Variants in SMCO2 observed in about 807,000 individuals in gnomAD.
SMCO2 encodes single-pass membrane and coiled-coil domain-containing protein 2.
Under a neutral mutation model 29.5 loss-of-function variants are expected in SMCO2, and 25 were observed. The ratio of observed to expected loss-of-function variants is 0.85; its 90% CI spans 0.62 to 1.18. The LOEUF is 1.18. SMCO2 is among the 50% of genes most tolerant of loss of function. The pLI is 0.00. For synonymous variants in SMCO2, 117 were observed against 123.3 expected, an observed-to-expected ratio of 0.95 and a Z score of 0.34; for missense variants, 348 against 344.5, an observed-to-expected ratio of 1.01 and a Z score of -0.08.
the SMCO2 span, among the ~76,000 whole-genome samples, chr12:27,455,905 GTTACATACA>G: frequency 3.3e-5 from 5 of 152,374 alleles, no homozygotes; most frequent in Admixed American, 3.3e-4. Context: ...TCACAGCAAT[GTTACATACA>G]AAGAAGTACT....
chr12:27,428,794 G>C, the SMCO2 span, among the ~76,000 whole-genome samples: 3 of 147,588 alleles, frequency 2.0e-5, no homozygotes, highest in East Asian at 2.0e-4. Flanking sequence ...TTTACCTTGG[G>C]GGTAAATACA....
exon 8 of SMCO2, chr12:27,501,987 A>C: frequency 1.3e-6 from 2 of 1,548,056 alleles, no homozygotes; most frequent in Non-Finnish European, 1.7e-6. Flanking sequence ...TTTATGTTAC[A>C]TACTATTTTT....
the SMCO2 span, among the ~76,000 whole-genome samples, chr12:27,461,607 C>T: frequency 3.3e-3 from 506 of 152,312 alleles, no homozygotes; most frequent in African/African-American, 8.7e-3. Flanking sequence ...ATAGATATGA[C>T]GATGAATATT....
At chr12:27,484,775 T>G (rs529740819) in intron 4 of SMCO2, among the ~76,000 whole-genome samples, 7 of 142,334 alleles carry the variant, frequency 4.9e-5, no homozygotes, top group African/African-American at 1.8e-4. Flanking sequence ...ATTGCTTGAA[T>G]CCAGGAGGTG....
At chr12:27,477,438 A>C (rs58729306) in intron 4 of SMCO2, among the ~76,000 whole-genome samples, 13,645 of 151,562 alleles carry the variant, frequency 0.09, 1,113 homozygotes, top group African/African-American at 0.22. Context: ...ATACAAATCT[A>C]TTTGGGGTTC....
At chr12:27,475,007 T>C in intron 4 of SMCO2, 94 bp downstream of exon 4, 1 of 1,411,372 alleles carries the variant, frequency 7.1e-7, no homozygotes, top group Non-Finnish European at 9.5e-7. Context: ...CTGGAAGATT[T>C]AAAATCCATA....
chr12:27,450,914 G>A, the SMCO2 span, among the ~76,000 whole-genome samples: 1 of 152,156 alleles, frequency 6.6e-6, no homozygotes, highest in African/African-American at 2.4e-5. Context: ...GGAAAGAGTT[G>A]CTGCCCTAAA....
intron 4 of SMCO2, among the ~76,000 whole-genome samples, chr12:27,481,135 G>A (rs1450961456): frequency 1.3e-5 from 2 of 152,216 alleles, no homozygotes; most frequent in East Asian, 3.9e-4. Flanking sequence ...CTTCAGGGAT[G>A]TGGAAATGCA....
intron 4 of SMCO2, among the ~76,000 whole-genome samples, chr12:27,482,923 C>G (rs919838686): frequency 6.6e-6 from 1 of 152,120 alleles, no homozygotes; most frequent in Non-Finnish European, 1.5e-5. Flanking sequence ...GACAAAGTTT[C>G]GCCATGTGGC....
the SMCO2 span, among the ~76,000 whole-genome samples, chr12:27,440,758 C>T: frequency 6.7e-6 from 1 of 149,434 alleles, no homozygotes. Context: ...TTTTGTAAGC[C>T]TCAAGGTAAC....
the SMCO2 span, among the ~76,000 whole-genome samples, chr12:27,435,632 G>C: frequency 1.4e-5 from 2 of 147,252 alleles, no homozygotes; most frequent in Non-Finnish European, 3.0e-5. Flanking sequence ...ACCCAGACTG[G>C]TCCAAGGTTA....
At chr12:27,428,866 A>G in the SMCO2 span, among the ~76,000 whole-genome samples, 1 of 142,310 alleles carries the variant, frequency 7.0e-6, no homozygotes, top group Non-Finnish European at 1.5e-5. Flanking sequence ...GGATGCCTAG[A>G]TTACATAAAC....
At chr12:27,464,280 G>C (rs11049020), upstream of SMCO2, among the ~76,000 whole-genome samples, 1 of 152,310 alleles carries the variant, frequency 6.6e-6, no homozygotes, top group East Asian at 1.9e-4. Context: ...AGCTGGCCTT[G>C]ATCAGTGCAG....
At chr12:27,488,697 G>A (rs967656247) in intron 5 of SMCO2, 150 bp downstream of exon 6, 12 of 464,046 alleles carry the variant, frequency 2.6e-5, no homozygotes, top group Non-Finnish European at 4.4e-5. Flanking sequence ...CCCTTTTCCT[G>A]AGTAACACTG....
At chr12:27,433,824 TTAAAATA>T in the SMCO2 span, among the ~76,000 whole-genome samples, 2 of 152,354 alleles carry the variant, frequency 1.3e-5, no homozygotes, top group African/African-American at 4.8e-5. Context: ...GCATTTATTA[TTAAAATA>T]TTTCTTCTCA....
intron 3 of SMCO2, among the ~76,000 whole-genome samples, chr12:27,474,074 A>T (rs1330530279): frequency 5.3e-5 from 8 of 152,196 alleles, no homozygotes; most frequent in Non-Finnish European, 1.2e-4. Flanking sequence ...GCAATGATTA[A>T]CCATATTCCT....
At position 27,485,633 on chromosome 12, in the gene SMCO2, G is replaced by C. The variant is rs1381590796; in HGVS notation, c.363-2827G>C. Among the ~76,000 whole-genome samples the C allele has an allele frequency of 2.0e-5, 3 of 152,026 alleles. No homozygotes were observed. In the East Asian group the frequency reaches 5.8e-4, roughly 29 times the overall value. On this transcript the variant is annotated intron_variant, in intron 4 of 7. Coordinates refer to ENST00000298876, the Ensembl canonical transcript of SMCO2. ...TAATTTTTTTAGTATTTTTAGTAGA[G>C]ATGGGGTTTCACCGTGTTGGCCGGG...
chr12:27,491,377 G>A (rs1464997701), intron 5 of SMCO2, among the ~76,000 whole-genome samples: 1 of 152,048 alleles, frequency 6.6e-6, no homozygotes, highest in Non-Finnish European at 1.5e-5. Context: ...TGAATTTCTG[G>A]GCTTTCATTC....
At chr12:27,489,575 TAA>T (rs1227282241) in intron 5 of SMCO2, among the ~76,000 whole-genome samples, 2 of 152,196 alleles carry the variant, frequency 1.3e-5, no homozygotes, top group East Asian at 3.8e-4. Context: ...TTGGAAGCAG[TAA>T]AAGAGAAAAT....
Sources: gnomAD v4.1 joint callset for allele counts (sites outside exome capture counted in the v4.1 genomes callset) on GRCh38, gnomAD v4.1.1 for gene constraint, MANE v1.5 for transcripts, NCBI Gene and HGNC (gene_info 2026-07-23, HGNC 2026-07-21) for gene names.